Variants in APBA2 observed in about 807,000 individuals in gnomAD.
The protein encoded by APBA2 is amyloid beta precursor protein binding family A member 2.
A neutral mutation model predicts 75.0 loss-of-function variants in APBA2; 30 were observed. The observed-to-expected ratio is 0.40, with a 90% CI of 0.30 to 0.54. The LOEUF (loss-of-function observed/expected upper bound fraction) is 0.54, where lower values mean the gene tolerates loss of function less well. Ranked by LOEUF, APBA2 falls within the 20% of genes least tolerant of loss-of-function variation. The pLI, the probability that APBA2 is intolerant of heterozygous loss-of-function variation, is 0.49. For synonymous variants in APBA2, 444 were observed against 409.6 expected, an observed-to-expected ratio of 1.08 and a Z score of -1.01; for missense variants, 801 against 1,016.1, an observed-to-expected ratio of 0.79 and a Z score of 2.88.
intron 2 of APBA2, among the ~76,000 whole-genome samples, chr15:28,946,490 T>C (rs973868878): frequency 6.6e-6 from 1 of 152,342 alleles, no homozygotes; most frequent in African/African-American, 2.4e-5. Context: ...GATTCTTGCC[T>C]AGAGCCTCCG....
At chr15:29,095,283 G>T (rs994805084) in intron 8 of APBA2, among the ~76,000 whole-genome samples, 5 of 152,054 alleles carry the variant, frequency 3.3e-5, no homozygotes, top group African/African-American at 1.2e-4. Context: ...CAAAAAATTA[G>T]CCAGGCATGG....
chr15:29,066,000 CTG>C (rs1295283129), intron 4 of APBA2, among the ~76,000 whole-genome samples: 1 of 152,176 alleles, frequency 6.6e-6, no homozygotes, highest in Non-Finnish European at 1.5e-5. Context: ...GAGGCTGTTG[CTG>C]TGTGTGGCGG....
At chr15:29,001,631 TC>T (rs2038852258) in intron 3 of APBA2, among the ~76,000 whole-genome samples, 2 of 152,184 alleles carry the variant, frequency 1.3e-5, no homozygotes, top group Non-Finnish European at 2.9e-5. Context: ...ATGTGAGTTT[TC>T]CCATCTTGCT....
At chr15:29,017,035 C>T (rs118145355) in intron 3 of APBA2, among the ~76,000 whole-genome samples, 11 of 152,186 alleles carry the variant, frequency 7.2e-5, no homozygotes, top group African/African-American at 1.2e-4. Flanking sequence ...AGGCAGGCAG[C>T]GCTTTGGAGG....
chr15:28,975,174 T>G (rs938468844), intron 2 of APBA2, among the ~76,000 whole-genome samples: 6 of 152,160 alleles, frequency 3.9e-5, no homozygotes, highest in African/African-American at 1.4e-4. Context: ...TATAATTTAT[T>G]CAGATTGACC....
chr15:28,906,483 G>A (rs2033140458), intron 1 of APBA2, among the ~76,000 whole-genome samples: 1 of 152,200 alleles, frequency 6.6e-6, no homozygotes, highest in Admixed American at 6.5e-5. Context: ...TCTGCATGGG[G>A]TTGTTTCCGT....
At chr15:28,963,081 A>T (rs549530034) in intron 2 of APBA2, among the ~76,000 whole-genome samples, 5 of 152,356 alleles carry the variant, frequency 3.3e-5, no homozygotes, top group Admixed American at 6.5e-5. Context: ...ATGCTGTGGC[A>T]GAGAGGACCA....
chr15:29,112,620 C>G (rs570304395), intron 13 of APBA2, among the ~76,000 whole-genome samples: 109 of 152,276 alleles, frequency 7.2e-4, no homozygotes, highest in Middle Eastern at 6.8e-3. Context: ...CTCTCCACCC[C>G]CTTCTCTTCT....
In APBA2 at chr15:29,108,265, T is replaced by C. The variant is rs1457903873; in HGVS notation, c.1918-5T>C. 2 of 1,613,666 alleles carry C rather than the reference T, an allele frequency of 1.2e-6. No individual in the cohort carries two copies. The highest frequency in any genetic ancestry group is 1.3e-5 in the African/African-American group (1 of 74,934). ...GCCTGTGACTCCTGTCCCCGTGCTC[T>C]GCAGGGCCTGAAGAACCAGACACAG... On this transcript the variant is annotated splice_polypyrimidine_tract_variant and splice_region_variant and intron_variant, in intron 12 of 14. Coordinates refer to ENST00000683413, the MANE Select transcript of APBA2 (RefSeq NM_001353788.2).
chr15:29,016,290 T>C (rs550162942), intron 3 of APBA2, among the ~76,000 whole-genome samples: 3 of 152,192 alleles, frequency 2.0e-5, no homozygotes, highest in South Asian at 4.1e-4. Flanking sequence ...AACAAACATA[T>C]CTACCTCTGG....
At chr15:29,055,256 C>T (rs550782122) in intron 4 of APBA2, among the ~76,000 whole-genome samples, 78 of 152,242 alleles carry the variant, frequency 5.1e-4, no homozygotes, top group African/African-American at 1.7e-3. Flanking sequence ...CCCACTGCTG[C>T]GGCCAGTGTT....
At chr15:29,103,609 C>G (rs1462953470) in intron 10 of APBA2, among the ~76,000 whole-genome samples, 1 of 152,202 alleles carries the variant, frequency 6.6e-6, no homozygotes, top group Admixed American at 6.5e-5. Context: ...CGCAGCCCCG[C>G]GGAGCCGGCT....
intron 8 of APBA2, among the ~76,000 whole-genome samples, chr15:29,095,035 C>T (rs771879897): frequency 6.6e-6 from 1 of 151,664 alleles, no homozygotes; most frequent in Non-Finnish European, 1.5e-5. Context: ...CCACTGCACT[C>T]CAGCCTGGGC....
intron 1 of APBA2, among the ~76,000 whole-genome samples, chr15:28,900,592 G>A (rs139099950): frequency 0.15 from 23,162 of 152,184 alleles, 5,768 homozygotes; most frequent in African/African-American, 0.52. Flanking sequence ...TGTAAATGTG[G>A]TGATTTTTTT....
intron 1 of APBA2, among the ~76,000 whole-genome samples, chr15:28,891,408 G>A (rs900280155): frequency 3.3e-5 from 5 of 152,108 alleles, no homozygotes; most frequent in African/African-American, 1.2e-4. Context: ...TGTTTTTCAC[G>A]GGGTGGGCAT....
chr15:29,114,577 CGTGTGT>C (rs528733666), intron 14 of APBA2, among the ~76,000 whole-genome samples: 1 of 150,362 alleles, frequency 6.7e-6, no homozygotes, highest in African/African-American at 2.4e-5. Flanking sequence ...AGCGGGTGTG[CGTGTGT>C]GTGTGTGTGT....
intron 4 of APBA2, 95 bp from the exon 5 acceptor site, chr15:29,074,826 C>A: frequency 9.2e-7 from 1 of 1,081,972 alleles, no homozygotes; most frequent in Non-Finnish European, 1.4e-6. Flanking sequence ...CATACACATG[C>A]ATTTTACAAA....
chr15:28,899,532 G>C (rs998452781), intron 1 of APBA2, among the ~76,000 whole-genome samples: 3 of 152,208 alleles, frequency 2.0e-5, no homozygotes, highest in Non-Finnish European at 1.5e-5. Flanking sequence ...AAGCCGTGTT[G>C]CGTTGCAGCC....
At chr15:28,985,484 A>G (rs1000440025) in intron 2 of APBA2, among the ~76,000 whole-genome samples, 3 of 152,194 alleles carry the variant, frequency 2.0e-5, no homozygotes, top group East Asian at 1.9e-4. Context: ...CAAAAAGGAA[A>G]GCATGCGTGG....
Sources: allele counts gnomAD v4.1 joint callset (sites outside exome capture counted in the v4.1 genomes callset), GRCh38; gene constraint gnomAD v4.1.1; transcripts MANE v1.5; gene names NCBI Gene and HGNC (gene_info 2026-07-23, HGNC 2026-07-21).